The following GTF2A1L variants were observed in gnomAD, a reference collection of about 807,000 sequenced individuals.
GTF2A1L encodes general transcription factor IIA subunit 1 like.
Under a neutral mutation model 49.7 loss-of-function variants are expected in GTF2A1L, and 48 were observed. That is an observed-to-expected ratio of 0.97 (90% CI 0.77 to 1.23). The LOEUF (loss-of-function observed/expected upper bound fraction) is 1.23. Among genes scored for constraint, GTF2A1L ranks in the 50% most tolerant of loss-of-function variants. The pLI, the probability that GTF2A1L is intolerant of heterozygous loss-of-function variation, is 0.00. For synonymous variants in GTF2A1L, 246 were observed against 193.5 expected, an observed-to-expected ratio of 1.27 and a Z score of -2.25; for missense variants, 736 against 564.8, an observed-to-expected ratio of 1.30 and a Z score of -3.07.
intron 3 of GTF2A1L, among the ~76,000 whole-genome samples, chr2:48,630,056 C>G (rs1265139264): frequency 6.9e-6 from 1 of 144,106 alleles, no homozygotes; most frequent in South Asian, 2.4e-4. Context: ...TATGATGCCT[C>G]CAGTTGTGTT....
chr2:48,624,451 T>C lies in GTF2A1L; in HGVS notation c.247+3161T>C, dbSNP rs1021562198. Among the ~76,000 whole-genome samples the C allele has an allele frequency of 4.5e-5, 4 of 88,458 alleles. 2 individuals are homozygous for C. The highest frequency in any genetic ancestry group is 3.0e-4 in the Admixed American group (2 of 6,756). 58.0% of individuals were successfully genotyped at this position (88,458 alleles called of 152,430 possible). ...ATTGTATGTAAGGTGTTCACCATAG[T>C]GCTTTGATATAGATAGATAGATAGA... On this transcript the variant is annotated intron_variant, in intron 3 of 8. Coordinates refer to ENST00000403751, the MANE Select transcript of GTF2A1L (RefSeq NM_006872.5).
rs1459435486 is a variant in GTF2A1L at position 48,624,468 on chromosome 2, A to T, written c.247+3178A>T. On this transcript the variant is annotated intron_variant, in intron 3 of 8. Coordinates refer to ENST00000403751, the MANE Select transcript of GTF2A1L (RefSeq NM_006872.5). The stretch of plus-strand genomic sequence containing the variant: ...CACCATAGTGCTTTGATATAGATAG[A>T]TAGATAGATAGATAGATAGTGAAGA... Among the ~76,000 whole-genome samples the T allele has an allele frequency of 3.2e-4, 46 of 143,434 alleles. 7 individuals are homozygous for T. 94.1% of individuals were successfully genotyped at this position (143,434 alleles called of 152,430 possible).
intron 5 of GTF2A1L, among the ~76,000 whole-genome samples, chr2:48,645,519 A>G (rs1194726739): frequency 6.6e-6 from 1 of 152,200 alleles, no homozygotes; most frequent in African/African-American, 2.4e-5. Flanking sequence ...ATGGTCTGAT[A>G]GGACATCCAA....
intron 3 of GTF2A1L, among the ~76,000 whole-genome samples, chr2:48,634,353 T>G (rs1368529083): frequency 1.3e-5 from 2 of 152,164 alleles, no homozygotes; most frequent in Non-Finnish European, 2.9e-5. Context: ...TCAAGTGATC[T>G]GCCTGCCTCG....
At chr2:48,629,877 C>G (rs1676480297) in intron 3 of GTF2A1L, among the ~76,000 whole-genome samples, 1 of 144,324 alleles carries the variant, frequency 6.9e-6, no homozygotes, top group Non-Finnish European at 1.6e-5. Flanking sequence ...CTAGGGAGTC[C>G]TTTCCCCGTT....
intron 1 of GTF2A1L, among the ~76,000 whole-genome samples, chr2:48,618,901 G>T (rs1460189448): frequency 6.6e-6 from 1 of 152,172 alleles, no homozygotes; most frequent in Non-Finnish European, 1.5e-5. Context: ...GTTCTAATGG[G>T]TACTTTTTGA....
chr2:48,662,936 G>T (rs920588977), intron 6 of GTF2A1L, among the ~76,000 whole-genome samples: 1 of 151,990 alleles, frequency 6.6e-6, no homozygotes. Flanking sequence ...GGAGGGAGAC[G>T]ATCAGAAAAA....
intron 3 of GTF2A1L, among the ~76,000 whole-genome samples, chr2:48,631,013 C>T (rs1290457661): frequency 1.3e-5 from 2 of 152,032 alleles, no homozygotes; most frequent in African/African-American, 4.8e-5. Context: ...CTGCTGGGTT[C>T]AGTTTGCTAG....
rs1676223580 is a variant in GTF2A1L at position 48,624,987 on chromosome 2, A to G, written c.247+3697A>G. ...TTGCAGACACTTCGGTTGTTTACAAATCTTGGCTATCGTGAGTAATATTGC... is the reference window on the plus strand; with the variant it reads ...TTGCAGACACTTCGGTTGTTTACAAGTCTTGGCTATCGTGAGTAATATTGC... On this transcript the variant is annotated intron_variant, in intron 3 of 8. Coordinates refer to ENST00000403751, the MANE Select transcript of GTF2A1L (RefSeq NM_006872.5). Among the ~76,000 whole-genome samples the G allele has an allele frequency of 2.1e-5, 3 of 144,268 alleles. 1 individual carries two copies. The highest frequency in any genetic ancestry group is 3.1e-5 in the Non-Finnish European group (2 of 64,074). 94.6% of individuals were successfully genotyped at this position (144,268 alleles called of 152,430 possible). A position where few individuals can be genotyped will look rare whatever the true frequency, so the allele number is the denominator to read the frequency against.
chr2:48,634,615 G>A (rs1335777132), intron 3 of GTF2A1L, among the ~76,000 whole-genome samples: 1 of 152,150 alleles, frequency 6.6e-6, no homozygotes, highest in East Asian at 1.9e-4. Context: ...TTTAATGCTT[G>A]CATGTCTGAA....
chr2:48,629,775 C>T lies in GTF2A1L; in HGVS notation c.247+8485C>T, dbSNP rs750414483. On this transcript the variant is annotated intron_variant, in intron 3 of 8. Coordinates refer to ENST00000403751, the MANE Select transcript of GTF2A1L (RefSeq NM_006872.5). ...ATTTTGAATTTAAGCTGCCCAGTTA[C>T]ATCTTGAGTTAATTTTTGTATGTGG... Among the ~76,000 whole-genome samples the T allele has an allele frequency of 2.1e-5, 3 of 144,344 alleles. 1 individual carries two copies. The highest frequency in any genetic ancestry group is 4.7e-5 in the Non-Finnish European group (3 of 64,002). The allele number at this position is 144,344 out of a possible 152,430, so 94.7% of individuals were successfully genotyped here.
intron 3 of GTF2A1L, among the ~76,000 whole-genome samples, chr2:48,638,379 T>C (rs184808995): frequency 3.3e-5 from 5 of 152,304 alleles, no homozygotes; most frequent in Admixed American, 3.3e-4. Flanking sequence ...TAATCCACCA[T>C]GATCAAGTGG....
rs777831191 is a variant in GTF2A1L at position 48,646,710 on chromosome 2, G to A, written c.646G>A (p.Asp216Asn). Residue 216 changes from aspartate to asparagine, a missense_variant, in exon 6 of 9, where the codon GAT (aspartate) becomes AAT (asparagine). By Grantham distance (23) the Asp-to-Asn change is conservative. Transcript: ENST00000403751. ...DRKHLENATS[D>N]ILVSPGNEHK... The stretch of plus-strand genomic sequence containing the variant: ...GAAACACTTAGAAAATGCCACCAGT[G>A]ATATACTTGTATCTCCTGGAAATGA... The A allele has an allele frequency of 1.9e-6, 3 of 1,614,166 alleles. No homozygotes were observed. Among genetic ancestry groups the A allele is most frequent in the East Asian group, 4.5e-5 (2 of 44,886 alleles).
At chr2:48,677,918 G>C (rs1434937489) in intron 8 of GTF2A1L, among the ~76,000 whole-genome samples, 1 of 151,722 alleles carries the variant, frequency 6.6e-6, no homozygotes, top group African/African-American at 2.4e-5. Context: ...CAGTGAGATG[G>C]GGAAGATTGT....
intron 6 of GTF2A1L, among the ~76,000 whole-genome samples, chr2:48,666,323 A>C (rs1321935284): frequency 6.6e-6 from 1 of 151,820 alleles, no homozygotes; most frequent in Non-Finnish European, 1.5e-5. Flanking sequence ...CACCTGCCTC[A>C]GCCTCCTGAA....
intron 5 of GTF2A1L, 140 bp downstream of exon 5, chr2:48,645,257 A>T: frequency 2.4e-6 from 2 of 820,958 alleles, no homozygotes; most frequent in Non-Finnish European, 3.6e-6. Context: ...GTAATGATAA[A>T]TGGTGGTTTT....
At chr2:48,671,362 C>T (rs771287001) in intron 7 of GTF2A1L, among the ~76,000 whole-genome samples, 3 of 151,762 alleles carry the variant, frequency 2.0e-5, no homozygotes, top group Non-Finnish European at 4.4e-5. Context: ...GCCACCATGC[C>T]AAGTTAATTT....
At chr2:48,663,788 C>T (rs1362857366) in intron 6 of GTF2A1L, among the ~76,000 whole-genome samples, 1 of 152,094 alleles carries the variant, frequency 6.6e-6, no homozygotes, top group Non-Finnish European at 1.5e-5. Flanking sequence ...TGTAGGCACA[C>T]ACAACCATAC....
intron 3 of GTF2A1L, among the ~76,000 whole-genome samples, chr2:48,623,874 C>T (rs923194385): frequency 1.3e-5 from 2 of 152,146 alleles, no homozygotes; most frequent in East Asian, 3.8e-4. Flanking sequence ...TACATACAGA[C>T]AGAAAGGTGC....
Sources: allele counts gnomAD v4.1 joint callset (sites outside exome capture counted in the v4.1 genomes callset), GRCh38; gene constraint gnomAD v4.1.1; transcripts MANE v1.5; gene names NCBI Gene and HGNC (gene_info 2026-07-23, HGNC 2026-07-21).